BANK1: variants seen among roughly 807,000 people sequenced by gnomAD.
The protein encoded by BANK1 is B-cell scaffold protein with ankyrin repeats.
In BANK1, 95 loss-of-function variants were observed where a neutral mutation model predicts 94.5. The observed-to-expected ratio is 1.00, with a 90% CI of 0.85 to 1.19. The LOEUF (loss-of-function observed/expected upper bound fraction) is 1.19, where lower values mean the gene tolerates loss of function less well. BANK1 is among the 50% of genes most tolerant of loss of function. The pLI is 0.00. For missense variants in BANK1, 987 were observed against 932.2 expected, an observed-to-expected ratio of 1.06 and a Z score of -0.77; for synonymous variants, 334 against 308.4, an observed-to-expected ratio of 1.08 and a Z score of -0.87.
At chr4:101,883,328 A>T (rs1296186916) in intron 5 of BANK1, among the ~76,000 whole-genome samples, 1 of 152,180 alleles carries the variant, frequency 6.6e-6, no homozygotes, top group African/African-American at 2.4e-5. Context: ...TTGTGAGAAG[A>T]CAATGTGTAT....
chr4:102,053,175 G>T (rs1010651320), intron 11 of BANK1, among the ~76,000 whole-genome samples: 1 of 152,082 alleles, frequency 6.6e-6, no homozygotes, highest in Non-Finnish European at 1.5e-5. Flanking sequence ...AAGTATGACA[G>T]GTTTTTAAAA....
intron 10 of BANK1, among the ~76,000 whole-genome samples, 157 bp from the exon 11 acceptor site, chr4:102,043,682 T>C (rs920870591): frequency 6.6e-6 from 1 of 151,968 alleles, no homozygotes; most frequent in Non-Finnish European, 1.5e-5. Context: ...AATGAGAAAA[T>C]TGTAAATTTG....
intron 1 of BANK1, among the ~76,000 whole-genome samples, chr4:101,792,064 A>G (rs1725005760): frequency 6.6e-6 from 1 of 152,206 alleles, no homozygotes. Flanking sequence ...TTTCAGTTTA[A>G]CAATTTTGTT....
chr4:102,022,273 C>T (rs985996623), intron 8 of BANK1, among the ~76,000 whole-genome samples: 6 of 152,094 alleles, frequency 3.9e-5, no homozygotes, highest in African/African-American at 1.4e-4. Context: ...CACCTGCTGA[C>T]TTCCCCATCT....
chr4:101,967,034 T>C (rs766523572), intron 7 of BANK1, among the ~76,000 whole-genome samples: 15 of 152,120 alleles, frequency 9.9e-5, no homozygotes, highest in Non-Finnish European at 1.9e-4. Context: ...TTTTACTCGT[T>C]AGTCCAATTT....
At chr4:101,888,415 A>C (rs1220905287) in intron 5 of BANK1, among the ~76,000 whole-genome samples, 1 of 152,064 alleles carries the variant, frequency 6.6e-6, no homozygotes, top group East Asian at 1.9e-4. Context: ...CACACACATC[A>C]CTTTCCTCCC....
At chr4:101,910,710 A>C (rs1032663790) in intron 6 of BANK1, among the ~76,000 whole-genome samples, 5 of 151,482 alleles carry the variant, frequency 3.3e-5, no homozygotes, top group Non-Finnish European at 7.4e-5. Context: ...AAAAAAAAAA[A>C]AAAACCATGG....
chr4:101,843,686 G>A (rs1162665479), intron 2 of BANK1, among the ~76,000 whole-genome samples: 1 of 152,120 alleles, frequency 6.6e-6, no homozygotes, highest in Non-Finnish European at 1.5e-5. Flanking sequence ...GGAGGCCGAG[G>A]TGGGTGGATC....
intron 13 of BANK1, among the ~76,000 whole-genome samples, chr4:102,066,503 C>T (rs189256981): frequency 0.02 from 2,979 of 152,180 alleles, 53 homozygotes; most frequent in Non-Finnish European, 0.03. Flanking sequence ...GTGATCCGCC[C>T]GCCTCGGCCT....
intron 7 of BANK1, among the ~76,000 whole-genome samples, chr4:102,010,213 A>G (rs575247811): frequency 4.6e-5 from 7 of 151,784 alleles, no homozygotes; most frequent in Non-Finnish European, 2.9e-5. Flanking sequence ...TGCAGTGAGC[A>G]GAGATCCAGC....
intron 7 of BANK1, among the ~76,000 whole-genome samples, chr4:101,929,715 A>ATG (rs1443285707): frequency 2.0e-5 from 3 of 151,528 alleles, no homozygotes; most frequent in Admixed American, 6.6e-5. Flanking sequence ...GTAGCCAGAG[A>ATG]TTGCATTTAG....
At chr4:101,987,196 A>T (rs1725536518) in intron 7 of BANK1, among the ~76,000 whole-genome samples, 1 of 151,818 alleles carries the variant, frequency 6.6e-6, no homozygotes, top group African/African-American at 2.4e-5. Context: ...CAGTCCATGT[A>T]AGGAATTAGC....
At chr4:101,880,373 C>T (rs952703148) in intron 5 of BANK1, among the ~76,000 whole-genome samples, 4 of 151,262 alleles carry the variant, frequency 2.6e-5, no homozygotes, top group Non-Finnish European at 4.4e-5. Flanking sequence ...AGGAATTAAC[C>T]AAAAAAGTGA....
chr4:101,826,584 G>A (rs908284347), intron 1 of BANK1, among the ~76,000 whole-genome samples: 4 of 151,798 alleles, frequency 2.6e-5, no homozygotes, highest in East Asian at 3.9e-4. Flanking sequence ...TCCTCCTACC[G>A]TTCCTCAAAC....
chr4:101,951,208 C>T (rs1724138968), intron 7 of BANK1, among the ~76,000 whole-genome samples: 1 of 152,082 alleles, frequency 6.6e-6, no homozygotes, highest in African/African-American at 2.4e-5. Flanking sequence ...ATATAAGGAA[C>T]TCTCTGCATT....
At chr4:101,871,822 A>G (rs1728300978) in intron 5 of BANK1, among the ~76,000 whole-genome samples, 1 of 152,164 alleles carries the variant, frequency 6.6e-6, no homozygotes, top group South Asian at 2.1e-4. Flanking sequence ...GAAGTAAAGT[A>G]GTCTCCAAAC....
At chr4:101,800,385 T>C (rs1403890512) in intron 1 of BANK1, among the ~76,000 whole-genome samples, 1 of 152,176 alleles carries the variant, frequency 6.6e-6, no homozygotes, top group Non-Finnish European at 1.5e-5. Context: ...CTCTCCTCTT[T>C]CCTTTTTTCT....
intron 11 of BANK1, among the ~76,000 whole-genome samples, chr4:102,050,612 C>G (rs866227194): frequency 6.6e-6 from 1 of 152,078 alleles, no homozygotes; most frequent in Admixed American, 6.6e-5. Flanking sequence ...AAAACTTTTG[C>G]CAGCATTTAA....
chr4:101,917,864 A>G, intron 6 of BANK1, 129 bp from the exon 7 acceptor site: 1 of 527,476 alleles, frequency 1.9e-6, no homozygotes, highest in East Asian at 2.9e-5. Context: ...AGAACTATTG[A>G]TAGTTTCTTA....
Sources: gnomAD v4.1 joint callset for allele counts (sites outside exome capture counted in the v4.1 genomes callset) on GRCh38, gnomAD v4.1.1 for gene constraint, MANE v1.5 for transcripts, NCBI Gene and HGNC (gene_info 2026-07-23, HGNC 2026-07-21) for gene names.